Variants in CCSER1 observed in about 807,000 individuals in gnomAD.
The protein encoded by CCSER1 is coiled-coil serine rich protein 1, also known as serine-rich coiled-coil domain-containing protein 1.
A neutral mutation model predicts 82.0 loss-of-function variants in CCSER1; 41 were observed. The observed-to-expected ratio is 0.50, with a 90% CI of 0.39 to 0.65. CCSER1 has a LOEUF of 0.65. CCSER1 is among the 30% of genes least tolerant of loss of function. The pLI, the probability that CCSER1 is intolerant of heterozygous loss-of-function variation, is 0.00. For missense variants in CCSER1, 1,119 were observed against 1,064.2 expected (o/e 1.05, Z -0.72); for synonymous variants, 414 against 383.9 (o/e 1.08, Z -0.92).
intron 10 of CCSER1, among the ~76,000 whole-genome samples, chr4:91,257,568 G>A (rs778105793): frequency 1.6e-4 from 25 of 151,556 alleles, no homozygotes; most frequent in African/African-American, 1.9e-4. Flanking sequence ...ATTCCAAAGC[G>A]TTTAAATGGC....
chr4:90,253,901 A>G (rs970069355), intron 1 of CCSER1, among the ~76,000 whole-genome samples: 5 of 152,122 alleles, frequency 3.3e-5, no homozygotes, highest in African/African-American at 1.2e-4. Context: ...AGCCTTCACT[A>G]ATTGCTAGCT....
chr4:91,586,006 A>G (rs1237219360), intron 10 of CCSER1, among the ~76,000 whole-genome samples: 1 of 151,688 alleles, frequency 6.6e-6, no homozygotes, highest in Non-Finnish European at 1.5e-5. Context: ...GTAGTACAAG[A>G]TAATGGTGTT....
chr4:90,877,343 A>C (rs2150056305), intron 8 of CCSER1, among the ~76,000 whole-genome samples: 1 of 152,178 alleles, frequency 6.6e-6, no homozygotes, highest in African/African-American at 2.4e-5. Flanking sequence ...GAATAACAAT[A>C]GTAATCTGCT....
At chr4:91,466,247 A>T (rs1332194681) in intron 10 of CCSER1, among the ~76,000 whole-genome samples, 1 of 152,222 alleles carries the variant, frequency 6.6e-6, no homozygotes, top group Non-Finnish European at 1.5e-5. Flanking sequence ...AACCAAAGAC[A>T]AAAACCACAT....
chr4:91,494,771 T>C (rs1381143794), intron 10 of CCSER1, among the ~76,000 whole-genome samples: 7 of 151,846 alleles, frequency 4.6e-5, no homozygotes, highest in African/African-American at 1.4e-4. Context: ...AGAACATCTC[T>C]CAATCTAATC....
chr4:90,863,457 C>G (rs1356552322), intron 8 of CCSER1, among the ~76,000 whole-genome samples: 1 of 151,900 alleles, frequency 6.6e-6, no homozygotes, highest in Non-Finnish European at 1.5e-5. Flanking sequence ...CATATCACAT[C>G]TCACTAACTC....
At chr4:90,690,622 A>G (rs1735642652) in intron 6 of CCSER1, among the ~76,000 whole-genome samples, 1 of 152,004 alleles carries the variant, frequency 6.6e-6, no homozygotes, top group Non-Finnish European at 1.5e-5. Context: ...CTTTTCTTCC[A>G]AAGTGTATTT....
intron 1 of CCSER1, among the ~76,000 whole-genome samples, chr4:90,199,196 T>G (rs2153403593): frequency 6.6e-6 from 1 of 152,264 alleles, no homozygotes; most frequent in East Asian, 1.9e-4. Context: ...TTTCTATACT[T>G]TAAATACTTT....
At chr4:90,534,660 A>G (rs1355746017) in intron 5 of CCSER1, among the ~76,000 whole-genome samples, 1 of 152,238 alleles carries the variant, frequency 6.6e-6, no homozygotes, top group East Asian at 1.9e-4. Flanking sequence ...AAGGCTTAAC[A>G]TTAATCTTTA....
At chr4:91,028,207 A>G (rs2150547574) in intron 9 of CCSER1, among the ~76,000 whole-genome samples, 1 of 152,168 alleles carries the variant, frequency 6.6e-6, no homozygotes, top group Non-Finnish European at 1.5e-5. Context: ...TATACAATGT[A>G]TATCTACAAT....
chr4:90,743,540 G>T (rs1015696782), intron 7 of CCSER1, among the ~76,000 whole-genome samples: 1 of 152,082 alleles, frequency 6.6e-6, no homozygotes, highest in African/African-American at 2.4e-5. Flanking sequence ...GATTCTTGTA[G>T]GCTAAACTTA....
intron 10 of CCSER1, among the ~76,000 whole-genome samples, chr4:91,297,395 G>GTA (rs1424285315): frequency 1.8e-4 from 27 of 146,910 alleles, no homozygotes; most frequent in Admixed American, 1.5e-3. Flanking sequence ...ATGTGTGTGT[G>GTA]TGTGTGTGTG....
chr4:91,245,542 A>G (rs532713704), intron 10 of CCSER1, among the ~76,000 whole-genome samples: 1 of 152,322 alleles, frequency 6.6e-6, no homozygotes, highest in East Asian at 1.9e-4. Context: ...TGATACAACC[A>G]ATGGAAATAT....
At chr4:91,453,518 A>G (rs1436144610) in intron 10 of CCSER1, among the ~76,000 whole-genome samples, 1 of 151,976 alleles carries the variant, frequency 6.6e-6, no homozygotes, top group East Asian at 1.9e-4. Context: ...ACATCCATTT[A>G]AATGTCTTGC....
intron 10 of CCSER1, among the ~76,000 whole-genome samples, chr4:91,503,103 G>A (rs1405775099): frequency 6.6e-6 from 1 of 152,096 alleles, no homozygotes; most frequent in East Asian, 1.9e-4. Context: ...AGCACTTTGG[G>A]AGGCCGAGGC....
intron 1 of CCSER1, among the ~76,000 whole-genome samples, chr4:90,153,284 A>G (rs889334608): frequency 2.2e-4 from 34 of 151,938 alleles, no homozygotes; most frequent in African/African-American, 8.0e-4. Flanking sequence ...CCAGTCTATC[A>G]TTGTTGGACA....
At chr4:91,177,957 A>C (rs1250534982) in intron 10 of CCSER1, among the ~76,000 whole-genome samples, 1 of 152,060 alleles carries the variant, frequency 6.6e-6, no homozygotes, top group Non-Finnish European at 1.5e-5. Context: ...TAGTGCTATA[A>C]ATTTCCCTCT....
At chr4:90,844,216 G>T (rs549721277) in intron 8 of CCSER1, among the ~76,000 whole-genome samples, 2 of 151,234 alleles carry the variant, frequency 1.3e-5, no homozygotes, top group African/African-American at 4.9e-5. Flanking sequence ...ATATATATAT[G>T]TATAGAGAGA....
intron 6 of CCSER1, among the ~76,000 whole-genome samples, chr4:90,666,968 T>C (rs963141394): frequency 6.6e-5 from 10 of 152,316 alleles, no homozygotes; most frequent in African/African-American, 2.2e-4. Context: ...AATAATCTCT[T>C]GGAAATGGAT....
Sources: allele counts gnomAD v4.1 joint callset (sites outside exome capture counted in the v4.1 genomes callset), GRCh38; gene constraint gnomAD v4.1.1; transcripts MANE v1.5; gene names NCBI Gene and HGNC (gene_info 2026-07-23, HGNC 2026-07-21).